NEDD4: variants seen among roughly 807,000 people sequenced by gnomAD.
NEDD4 encodes NEDD4 E3 ubiquitin protein ligase, also known as E3 ubiquitin-protein ligase NEDD4.
NEDD4 carries 99 observed loss-of-function variants against 144.9 expected under a neutral mutation model. That is an observed-to-expected ratio of 0.68 (90% CI 0.58 to 0.81). The LOEUF (loss-of-function observed/expected upper bound fraction) is 0.81. Among genes scored for constraint, NEDD4 ranks in the 30% least tolerant of loss-of-function variants. The pLI, the probability that NEDD4 is intolerant of heterozygous loss-of-function variation, is 0.00. For synonymous variants in NEDD4, 318 were observed against 350.6 expected (o/e 0.91, Z 1.04); for missense variants, 985 against 1,065.9 (o/e 0.92, Z 1.06).
intron 4 of NEDD4, among the ~76,000 whole-genome samples, chr15:55,930,324 A>C (rs1255179835): frequency 1.3e-5 from 2 of 152,128 alleles, no homozygotes; most frequent in Non-Finnish European, 2.9e-5. Context: ...CTAGACAATC[A>C]CTGTATGTTA....
At chr15:55,844,702 G>A (rs1379735756) in intron 18 of NEDD4, among the ~76,000 whole-genome samples, 1 of 152,042 alleles carries the variant, frequency 6.6e-6, no homozygotes, top group African/African-American at 2.4e-5. Context: ...ACAGTATCTG[G>A]CATATGGTAA....
At chr15:55,912,641 A>T (rs2036312685) in intron 5 of NEDD4, among the ~76,000 whole-genome samples, 1 of 152,112 alleles carries the variant, frequency 6.6e-6, no homozygotes, top group Non-Finnish European at 1.5e-5. Flanking sequence ...CAGTAGAGAA[A>T]AGTAACTACT....
rs1460614742 is a variant in NEDD4 at position 55,829,861 on chromosome 15, A to G, written c.*36T>C. ...AAGTCAAGATTTTGGTTATAAAACT[A>G]TGGCAGTAAAAACACTACAGATTGT... On this transcript the variant is annotated 3_prime_UTR_variant, in exon 29 of 29. Transcript: ENST00000435532. 1.1e-5 allele frequency: 17 copies of G among 1,516,950 alleles called. No individual in the cohort carries two copies. The highest frequency in any genetic ancestry group is 1.4e-5 in the Non-Finnish European group (16 of 1,106,198). 94.0% of individuals were successfully genotyped at this position (1,516,950 alleles called of 1,614,324 possible).
chr15:55,838,454 C>G (rs2033315678), intron 22 of NEDD4, 55 bp downstream of exon 22: 1 of 1,224,700 alleles, frequency 8.2e-7, no homozygotes, highest in African/African-American at 1.5e-5. Flanking sequence ...GTATTAACAT[C>G]TAAACATTTG....
At chr15:55,835,939 C>T (rs973636690) in intron 24 of NEDD4, among the ~76,000 whole-genome samples, 8 of 152,114 alleles carry the variant, frequency 5.3e-5, no homozygotes, top group Non-Finnish European at 7.4e-5. Context: ...GAGAAAACTC[C>T]GAACTCTACC....
At chr15:55,847,982 A>T (rs12906680) in intron 17 of NEDD4, among the ~76,000 whole-genome samples, 31,787 of 152,032 alleles carry the variant, frequency 0.21, 3,708 homozygotes, top group Non-Finnish European at 0.26. Flanking sequence ...TGATTTCTAT[A>T]AAAAAATTTA....
In NEDD4 at chr15:55,848,783, G is replaced by C. The variant is rs147238613; in HGVS notation, c.1428+23C>G. On this transcript the variant is annotated intron_variant, in intron 15 of 28. Transcript: ENST00000435532. ...ATATTTGAGATAGCCAAGTTAGATG[G>C]GTTAGCATTTCTATACACTTACAGG... The C allele has an allele frequency of 2.8e-4, 452 of 1,596,030 alleles. No homozygotes were observed. In the African/African-American group the frequency reaches 5.1e-3, roughly 18 times the overall value.
intron 11 of NEDD4, among the ~76,000 whole-genome samples, chr15:55,856,575 C>A (rs972007945): frequency 1.3e-4 from 19 of 148,912 alleles, no homozygotes; most frequent in Non-Finnish European, 2.4e-4. Flanking sequence ...CGTTGCAAGT[C>A]TTACTTCCTT....
chr15:55,902,951 A>C (rs1173689754), intron 5 of NEDD4, among the ~76,000 whole-genome samples: 1 of 152,280 alleles, frequency 6.6e-6, no homozygotes, highest in East Asian at 1.9e-4. Flanking sequence ...CAGTGAACCG[A>C]GATCGTGCTA....
intron 5 of NEDD4, among the ~76,000 whole-genome samples, chr15:55,891,506 A>C (rs1167637469): frequency 6.6e-6 from 1 of 152,216 alleles, no homozygotes; most frequent in South Asian, 2.1e-4. Flanking sequence ...CTGAGTATCA[A>C]GCATTTCTTT....
chr15:55,839,169 CA>C (rs747272366), intron 21 of NEDD4, among the ~76,000 whole-genome samples: 6 of 152,024 alleles, frequency 3.9e-5, no homozygotes, highest in Admixed American at 2.0e-4. Flanking sequence ...GCTGGGACTA[CA>C]GGCGCGCACC....
In NEDD4 at chr15:55,951,548, C is replaced by T; in HGVS notation, c.161G>A (p.Gly54Glu). The T allele has an allele frequency of 6.5e-7, 1 of 1,529,440 alleles. No homozygotes were observed. Among genetic ancestry groups the T allele is most frequent in the Non-Finnish European group, 8.8e-7 (1 of 1,139,850 alleles). 94.7% of individuals were successfully genotyped at this position (1,529,440 alleles called of 1,614,324 possible). Residue 54 changes from glycine to glutamate, a missense_variant, in exon 3 of 29, where the codon GGA becomes GAA. Physicochemically the swap from Gly to Glu is moderately conservative, Grantham distance 98. Transcript: ENST00000435532. Reference sequence around the variant, plus strand: ...TTTTGTTTGCACACTTGTAAGAACTCCATTCATTGGGTCATATAACGTCAC... The same window carrying T: ...TTTTGTTTGCACACTTGTAAGAACTTCATTCATTGGGTCATATAACGTCAC... ...VRVTLYDPMN[G>E]VLTSVQTKTI...
At chr15:55,861,123 A>G (rs2034388893) in intron 9 of NEDD4, among the ~76,000 whole-genome samples, 1 of 152,168 alleles carries the variant, frequency 6.6e-6, no homozygotes, top group Non-Finnish European at 1.5e-5. Context: ...TCATTGTATT[A>G]TTTTGCCATG....
intron 5 of NEDD4, among the ~76,000 whole-genome samples, chr15:55,903,867 T>TAC (rs1177428580): frequency 6.5e-5 from 7 of 106,884 alleles, no homozygotes; most frequent in Admixed American, 2.0e-4. Context: ...TATATATATA[T>TAC]ACACACATTG....
chr15:55,858,937 A>G (rs1383199228), intron 11 of NEDD4, among the ~76,000 whole-genome samples: 3 of 152,320 alleles, frequency 2.0e-5, no homozygotes, highest in East Asian at 3.9e-4. Flanking sequence ...CTGTATTCCA[A>G]TGGTAATTAT....
At chr15:55,861,406 A>G (rs1179625583) in intron 9 of NEDD4, among the ~76,000 whole-genome samples, 3 of 152,202 alleles carry the variant, frequency 2.0e-5, no homozygotes, top group Non-Finnish European at 4.4e-5. Flanking sequence ...GAGAGGTACA[A>G]TAAATCAGAT....
At chr15:55,917,253 C>G (rs1182218911) in intron 5 of NEDD4, 3 of 703,202 alleles carry the variant, frequency 4.3e-6, no homozygotes, top group Non-Finnish European at 5.3e-6. Flanking sequence ...TTCACCCCAG[C>G]TCTACTAAAT....
At position 55,915,457 on chromosome 15, in the gene NEDD4, A is replaced by G. The variant is rs78775641; in HGVS notation, c.291+9189T>C. On this transcript the variant is annotated intron_variant, in intron 5 of 28. Transcript: ENST00000435532. ...GAAATATTTGGATAAGCTCCTCCCAATGAAATACTTCTTCGTAAAATACCA... is the reference window on the plus strand; with the variant it reads ...GAAATATTTGGATAAGCTCCTCCCAGTGAAATACTTCTTCGTAAAATACCA... 2.0e-3 allele frequency: 3,158 copies of G among 1,613,788 alleles called. 51 individuals are homozygous for G. In the African/African-American group the frequency reaches 0.033, roughly 17 times the overall value.
rs1288611233 is a variant in NEDD4, at chr15:55,850,724, G to C, written c.1165C>G (p.Gln389Glu). ...GCAGAACTCTGGCTTGAGGTCAGCT[G>C]ACTGGTCTCCACTGTGGCCTAGCAC... ...PTVQATVETS[Q>E]LTSSQSSAGP... The change falls in exon 14 of 29, where the codon CAG becomes GAG. Residue 389 changes from glutamine to glutamate, a missense_variant. Coordinates refer to ENST00000435532, the MANE Select transcript of NEDD4 (RefSeq NM_006154.4). The C allele has an allele frequency of 6.2e-7, 1 of 1,613,630 alleles. No individual in the cohort carries two copies. Among genetic ancestry groups the C allele is most frequent in the South Asian group, 1.1e-5 (1 of 91,050 alleles).
Sources: allele counts gnomAD v4.1 joint callset (sites outside exome capture counted in the v4.1 genomes callset), GRCh38; gene constraint gnomAD v4.1.1; transcripts MANE v1.5; gene names NCBI Gene and HGNC (gene_info 2026-07-23, HGNC 2026-07-21).